The following BPIFA2 variants were observed in gnomAD, a reference collection of about 807,000 sequenced individuals.
The protein encoded by BPIFA2 is BPI fold containing family A member 2.
BPIFA2 carries 20 observed loss-of-function variants against 25.7 expected under a neutral mutation model. The observed-to-expected ratio is 0.78, with a 90% CI of 0.55 to 1.13. The LOEUF is 1.13. BPIFA2 is among the 50% of genes most tolerant of loss of function. The pLI, the probability that BPIFA2 is intolerant of heterozygous loss-of-function variation, is 0.00. For synonymous variants in BPIFA2, 126 were observed against 124.3 expected, an observed-to-expected ratio of 1.01 and a Z score of -0.09; for missense variants, 300 against 298.1, an observed-to-expected ratio of 1.01 and a Z score of -0.05.
At chr20:33,174,478 T>C (rs79909008) in intron 4 of BPIFA2, among the ~76,000 whole-genome samples, 9,555 of 152,320 alleles carry the variant, frequency 0.063, 497 homozygotes, top group African/African-American at 0.14. Flanking sequence ...CAAACATTTA[T>C]CATTCTTTGG....
upstream of BPIFA2, among the ~76,000 whole-genome samples, chr20:33,167,584 C>T (rs972164065): frequency 6.6e-6 from 1 of 152,182 alleles, no homozygotes; most frequent in Non-Finnish European, 1.5e-5. Flanking sequence ...CAGAAAAGTG[C>T]ATCTAAAGTG....
At chr20:33,171,421 A>G (rs1037609512) in intron 2 of BPIFA2, among the ~76,000 whole-genome samples, 3 of 152,222 alleles carry the variant, frequency 2.0e-5, no homozygotes, top group Non-Finnish European at 4.4e-5. Flanking sequence ...TCTGCACAGC[A>G]AAAGAAACTG....
chr20:33,177,303 C>T (rs540666406), intron 5 of BPIFA2, among the ~76,000 whole-genome samples: 1 of 151,006 alleles, frequency 6.6e-6, no homozygotes, highest in African/African-American at 2.4e-5. Context: ...TGCAGTGAGC[C>T]GAGATCGTGC....
In BPIFA2 at chr20:33,169,292, T is replaced by C. The variant is rs780140708; in HGVS notation, c.147T>C (p.Asn49=). The C allele has an allele frequency of 6.2e-7, 1 of 1,613,978 alleles. No individual in the cohort carries two copies. The highest frequency in any genetic ancestry group is 8.5e-7 in the Non-Finnish European group (1 of 1,179,842). Reference sequence around the variant, plus strand: ...ACGAGGGACTTGAGACAGTTGACAATACTCTTAAAGGTAAATCAACAAGGG... The same window carrying C: ...ACGAGGGACTTGAGACAGTTGACAACACTCTTAAAGGTAAATCAACAAGGG... The part of the protein sequence containing the change: ...VLHEGLETVD[N]TLKGILEKLK... Residue 49 remains asparagine (N), a synonymous_variant, in exon 2 of 9, where the codon AAT becomes AAC. Coordinates refer to ENST00000354932, the MANE Select transcript of BPIFA2 (RefSeq NM_080574.4).
chr20:33,165,490 C>A (rs929702612), upstream of BPIFA2, among the ~76,000 whole-genome samples: 2 of 152,224 alleles, frequency 1.3e-5, no homozygotes, highest in African/African-American at 4.8e-5. Context: ...CACCCCCCAG[C>A]CTGGCTGGCC....
At chr20:33,164,781 G>A (rs144684004), upstream of BPIFA2, among the ~76,000 whole-genome samples, 19 of 152,278 alleles carry the variant, frequency 1.2e-4, 1 homozygote, top group Middle Eastern at 3.4e-3. Flanking sequence ...GAAGGTGAAC[G>A]AAGACAAGGT....
In BPIFA2 at chr20:33,173,080, AGT is replaced by A. The variant is rs749904856; in HGVS notation, c.302+5_302+6del. On this transcript the variant is annotated splice_donor_5th_base_variant and intron_variant, in intron 3 of 8. Coordinates refer to ENST00000354932, the MANE Select transcript of BPIFA2 (RefSeq NM_080574.4). ...CAACTAACACGGACATTTTTGGGTG[AGT>A]TGGTCCTTCAGGGTGGAGATCTTTG... 1.9e-6 allele frequency: 3 copies of A among 1,613,490 alleles called. No homozygotes were observed. Among genetic ancestry groups the A allele is most frequent in the Non-Finnish European group, 2.5e-6 (3 of 1,179,726 alleles).
At chr20:33,177,574 A>T (rs997970380) in intron 5 of BPIFA2, among the ~76,000 whole-genome samples, 9 of 152,156 alleles carry the variant, frequency 5.9e-5, no homozygotes, top group African/African-American at 2.2e-4. Flanking sequence ...TTTGGATCCA[A>T]TCCAACCCAA....
At chr20:33,166,534 A>G (rs137945420), upstream of BPIFA2, among the ~76,000 whole-genome samples, 113 of 152,242 alleles carry the variant, frequency 7.4e-4, 1 homozygote, top group Middle Eastern at 0.027. Flanking sequence ...TGAGGTGAGC[A>G]CTGTTCTTAG....
intron 1 of BPIFA2, among the ~76,000 whole-genome samples, chr20:33,162,350 C>G (rs1983606746): frequency 6.6e-6 from 1 of 152,140 alleles, no homozygotes. Context: ...TCTGCATTCC[C>G]CCTTTAATTT....
Position 33,175,498 on chromosome 20 carries a change from G to A in BPIFA2, c.502G>A (p.Val168Ile), listed in dbSNP as rs1455163756. The change falls in exon 5 of 9, where the codon GTT becomes ATT. Residue 168 changes from valine (V) to isoleucine (I), a missense_variant. By Grantham distance (29) the Val-to-Ile change is conservative (BLOSUM62 3). Transcript: ENST00000354932. Reference sequence around the variant, plus strand: ...AACTGATCCCCAGACACACCAGCCTGTTGCCGTCCTGGGAGAATGCGCCAG... The same window carrying A: ...AACTGATCCCCAGACACACCAGCCTATTGCCGTCCTGGGAGAATGCGCCAG... ...IETDPQTHQPVAVLGECASDP... is the reference protein window; with the variant it reads ...IETDPQTHQPIAVLGECASDP... The A allele has an allele frequency of 1.2e-6, 2 of 1,614,158 alleles. No homozygotes were observed. The highest frequency in any genetic ancestry group is 1.7e-6 in the Non-Finnish European group (2 of 1,180,012).
intron 7 of BPIFA2, among the ~76,000 whole-genome samples, chr20:33,180,193 G>A (rs1326385304): frequency 6.6e-6 from 1 of 151,902 alleles, no homozygotes; most frequent in African/African-American, 2.4e-5. Context: ...ACTCCGGCCT[G>A]GGTGACAGAG....
chr20:33,163,050 T>A (rs1983624629), intron 1 of BPIFA2, among the ~76,000 whole-genome samples: 1 of 152,208 alleles, frequency 6.6e-6, no homozygotes, highest in Non-Finnish European at 1.5e-5. Flanking sequence ...CCTCTGCCCC[T>A]GCTGGTGGGG....
intron 5 of BPIFA2, among the ~76,000 whole-genome samples, chr20:33,176,243 C>T (rs1984071655): frequency 6.6e-6 from 1 of 152,174 alleles, no homozygotes; most frequent in Non-Finnish European, 1.5e-5. Flanking sequence ...CTCACTGATC[C>T]CTTTTAATCC....
upstream of BPIFA2, among the ~76,000 whole-genome samples, chr20:33,164,780 C>T (rs1045421503): frequency 3.3e-5 from 5 of 152,250 alleles, no homozygotes; most frequent in Admixed American, 6.5e-5. Flanking sequence ...CGAAGGTGAA[C>T]GAAGACAAGG....
intron 7 of BPIFA2, among the ~76,000 whole-genome samples, chr20:33,180,153 C>T (rs530011641): frequency 6.6e-6 from 1 of 151,770 alleles, no homozygotes; most frequent in South Asian, 2.1e-4. Context: ...AGGAGGCGGA[C>T]ATCGCAGGTA....
intron 3 of BPIFA2, among the ~76,000 whole-genome samples, chr20:33,173,282 G>A (rs892826991): frequency 6.6e-6 from 1 of 152,076 alleles, no homozygotes; most frequent in African/African-American, 2.4e-5. Context: ...TTATGGGTTC[G>A]GGCTTCCGCT....
intron 5 of BPIFA2, among the ~76,000 whole-genome samples, chr20:33,176,023 A>T (rs1222655334): frequency 6.6e-6 from 1 of 151,966 alleles, no homozygotes; most frequent in East Asian, 1.9e-4. Flanking sequence ...CTTCTTGGAG[A>T]ATTGTCCACT....
chr20:33,171,293 G>T (rs1006484053), intron 2 of BPIFA2, among the ~76,000 whole-genome samples: 1 of 152,096 alleles, frequency 6.6e-6, no homozygotes, highest in Non-Finnish European at 1.5e-5. Flanking sequence ...GTAGTTTGAT[G>T]GGAATAGCAG....
Sources: allele counts gnomAD v4.1 joint callset (sites outside exome capture counted in the v4.1 genomes callset), GRCh38; gene constraint gnomAD v4.1.1; transcripts MANE v1.5; gene names NCBI Gene and HGNC (gene_info 2026-07-23, HGNC 2026-07-21).